Variants in DPP10 observed in about 807,000 individuals in gnomAD.
The protein encoded by DPP10 is inactive dipeptidyl peptidase 10.
A neutral mutation model predicts 120.9 loss-of-function variants in DPP10; 33 were observed. The ratio of observed to expected loss-of-function variants is 0.27; its 90% CI spans 0.21 to 0.37. The LOEUF (loss-of-function observed/expected upper bound fraction) is 0.37, where lower values mean the gene tolerates loss of function less well. Among genes scored for constraint, DPP10 ranks in the 10% least tolerant of loss-of-function variants. The pLI, the probability that DPP10 is intolerant of heterozygous loss-of-function variation, is 1.00. For missense variants in DPP10, 816 were observed against 942.8 expected (o/e 0.87, Z 1.76); for synonymous variants, 337 against 326.1 (o/e 1.03, Z -0.36).
intron 1 of DPP10, among the ~76,000 whole-genome samples, chr2:114,896,326 G>A (rs915264239): frequency 2.0e-5 from 3 of 152,168 alleles, no homozygotes; most frequent in Non-Finnish European, 4.4e-5. Context: ...ACATTGGGAA[G>A]TATGGCCATT....
chr2:115,208,939 C>T (rs1355482927), intron 1 of DPP10, among the ~76,000 whole-genome samples: 1 of 152,114 alleles, frequency 6.6e-6, no homozygotes. Context: ...CTCTGACGTG[C>T]TTACTCTGAA....
chr2:115,343,616 C>G (rs1380779000), intron 2 of DPP10, among the ~76,000 whole-genome samples: 4 of 151,896 alleles, frequency 2.6e-5, no homozygotes, highest in Non-Finnish European at 5.9e-5. Context: ...CAGATCAAGA[C>G]AATTTTAATA....
chr2:115,025,820 GA>G (rs1393950749), intron 1 of DPP10, among the ~76,000 whole-genome samples: 4 of 151,814 alleles, frequency 2.6e-5, no homozygotes. Flanking sequence ...AAATGTTTTA[GA>G]TTTTTTGCCC....
chr2:115,139,686 G>A (rs1219311150), intron 1 of DPP10, among the ~76,000 whole-genome samples: 3 of 116,838 alleles, frequency 2.6e-5, no homozygotes, highest in African/African-American at 9.9e-5. Flanking sequence ...CAGTTGAATA[G>A]CCTGCAATTG....
Position 114,957,513 on chromosome 2 carries a change from A to G in DPP10, c.61-351726A>G, listed in dbSNP as rs895052262. 3.3e-5 allele frequency among the ~76,000 whole-genome samples: 5 copies of G among 152,268 alleles called. No homozygotes were observed. The East Asian group carries it at 9.6e-4, about 29-fold the overall frequency. ...GTTGGTGGAAATGTAAACTAATACA[A>G]TCATTATTTAAAACTCTATGGAAGT... On this transcript the variant is annotated intron_variant, in intron 1 of 25. Coordinates refer to ENST00000410059, the MANE Select transcript of DPP10 (RefSeq NM_020868.6).
intron 1 of DPP10, among the ~76,000 whole-genome samples, chr2:114,827,722 C>T (rs578247879): frequency 6.6e-6 from 1 of 152,160 alleles, no homozygotes; most frequent in East Asian, 1.9e-4. Flanking sequence ...AAGATGCCTA[C>T]CTATTTAGCC....
intron 25 of DPP10, among the ~76,000 whole-genome samples, 199 bp downstream of exon 25, chr2:115,841,022 T>A (rs942049858): frequency 6.6e-6 from 1 of 152,082 alleles, no homozygotes. Flanking sequence ...ATTGCATGAA[T>A]CCTTTCTAAA....
intron 12 of DPP10, among the ~76,000 whole-genome samples, chr2:115,767,543 G>A (rs1447561305): frequency 8.6e-5 from 13 of 151,342 alleles, no homozygotes; most frequent in Non-Finnish European, 1.6e-4. Flanking sequence ...TATATATAGT[G>A]TGTGTATATA....
intron 1 of DPP10, among the ~76,000 whole-genome samples, chr2:114,835,916 A>G (rs1355488416): frequency 2.3e-4 from 2 of 8,834 alleles, no homozygotes; most frequent in African/African-American, 2.4e-4. Context: ...CAGATAATTG[A>G]GACAAAATTT....
At chr2:115,380,521 G>A (rs150773760) in intron 3 of DPP10, among the ~76,000 whole-genome samples, 68,268 of 151,774 alleles carry the variant, frequency 0.45, 16,319 homozygotes, top group Non-Finnish European at 0.55. Context: ...GCCAGTCTGT[G>A]TCTTTTAATT....
At chr2:114,660,490 A>G (rs148634525) in intron 1 of DPP10, among the ~76,000 whole-genome samples, 1 of 152,130 alleles carries the variant, frequency 6.6e-6, no homozygotes, top group Non-Finnish European at 1.5e-5. Context: ...AATACTAGAA[A>G]GACTCACTCA....
At chr2:114,812,751 T>G (rs1448226886) in intron 1 of DPP10, among the ~76,000 whole-genome samples, 2 of 152,182 alleles carry the variant, frequency 1.3e-5, no homozygotes, top group African/African-American at 4.8e-5. Flanking sequence ...TTTGTTTGCT[T>G]GTTTGTTTTT....
intron 1 of DPP10, among the ~76,000 whole-genome samples, chr2:114,942,757 G>A (rs1002981381): frequency 2.0e-5 from 3 of 151,928 alleles, no homozygotes; most frequent in African/African-American, 7.3e-5. Context: ...CAGTGTAACA[G>A]AAATTATATA....
rs139168873 is a variant in DPP10, at chr2:115,781,277, C to T, written c.1483+282C>T. The stretch of plus-strand genomic sequence containing the variant: ...AGGTGAATAAATATATTTACATCAG[C>T]GAGGCCATGCCACAATCATAAACTA... On this transcript the variant is annotated intron_variant, in intron 16 of 25. Transcript: ENST00000410059. 4.9e-3 allele frequency among the ~76,000 whole-genome samples: 737 copies of T among 151,818 alleles called. 10 individuals carry two copies. The highest frequency in any genetic ancestry group is 0.017 in the African/African-American group (704 of 41,494).
At chr2:115,143,618 A>G (rs1320990478) in intron 1 of DPP10, among the ~76,000 whole-genome samples, 2 of 152,230 alleles carry the variant, frequency 1.3e-5, no homozygotes, top group Non-Finnish European at 2.9e-5. Flanking sequence ...TGGGATCTCA[A>G]TATGCCAAAT....
At chr2:115,166,726 TAAAG>T (rs983772894) in intron 1 of DPP10, among the ~76,000 whole-genome samples, 1 of 151,654 alleles carries the variant, frequency 6.6e-6, no homozygotes, top group African/African-American at 2.4e-5. Flanking sequence ...TAAAACAACT[TAAAG>T]AAAATTGTAT....
intron 3 of DPP10, among the ~76,000 whole-genome samples, chr2:115,476,305 T>C (rs1268019728): frequency 1.3e-5 from 2 of 152,124 alleles, no homozygotes; most frequent in African/African-American, 4.8e-5. Flanking sequence ...CTTTCCCTCA[T>C]TCTGCAGCCG....
chr2:115,091,983 A>G (rs1709304615), intron 1 of DPP10, among the ~76,000 whole-genome samples: 3 of 152,218 alleles, frequency 2.0e-5, no homozygotes, highest in Admixed American at 6.5e-5. Flanking sequence ...ACTAATAACC[A>G]TTGCGGCCTA....
chr2:114,690,290 T>C (rs1375521830), intron 1 of DPP10, among the ~76,000 whole-genome samples: 1 of 152,086 alleles, frequency 6.6e-6, no homozygotes, highest in African/African-American at 2.4e-5. Flanking sequence ...TAGTTTCAGT[T>C]TTCTGCATAT....
Sources: allele counts gnomAD v4.1 joint callset (sites outside exome capture counted in the v4.1 genomes callset), GRCh38; gene constraint gnomAD v4.1.1; transcripts MANE v1.5; gene names NCBI Gene and HGNC (gene_info 2026-07-23, HGNC 2026-07-21).